The following CSMD1 variants were observed in gnomAD, a reference collection of about 807,000 sequenced individuals.
The protein encoded by CSMD1 is CUB and sushi domain-containing protein 1.
CSMD1 carries 213 observed loss-of-function variants against 417.5 expected under a neutral mutation model. The observed-to-expected ratio is 0.51, with a 90% CI of 0.46 to 0.57. The LOEUF (loss-of-function observed/expected upper bound fraction) is 0.57, where lower values mean the gene tolerates loss of function less well. CSMD1 is among the 20% of genes least tolerant of loss of function. The pLI is 0.00. For synonymous variants in CSMD1, 2,862 were observed against 1,736.8 expected, an observed-to-expected ratio of 1.65 and a Z score of -16.11; for missense variants, 6,923 against 4,529.7, an observed-to-expected ratio of 1.53 and a Z score of -15.17.
intron 5 of CSMD1, among the ~76,000 whole-genome samples, chr8:3,971,832 T>C (rs896078187): frequency 3.3e-5 from 5 of 152,204 alleles, no homozygotes; most frequent in Non-Finnish European, 7.3e-5. Flanking sequence ...GCATGAATTA[T>C]TTGAAATATT....
At chr8:3,929,521 A>G (rs1327372839) in intron 5 of CSMD1, among the ~76,000 whole-genome samples, 1 of 150,542 alleles carries the variant, frequency 6.6e-6, no homozygotes, top group East Asian at 1.9e-4. Context: ...TTCAAAGTCA[A>G]CGTCCATTGG....
intron 4 of CSMD1, among the ~76,000 whole-genome samples, chr8:4,008,184 G>C (rs1003175930): frequency 1.3e-5 from 2 of 152,092 alleles, no homozygotes; most frequent in African/African-American, 4.8e-5. Flanking sequence ...ATATGAGCAA[G>C]CTACAGGGCA....
At chr8:3,430,005 T>G (rs1814116637) in intron 12 of CSMD1, among the ~76,000 whole-genome samples, 1 of 152,190 alleles carries the variant, frequency 6.6e-6, no homozygotes, top group Non-Finnish European at 1.5e-5. Flanking sequence ...TGGGTATACA[T>G]GTACAAATTT....
At chr8:4,449,165 A>T (rs62481018) in intron 2 of CSMD1, among the ~76,000 whole-genome samples, 1 of 152,230 alleles carries the variant, frequency 6.6e-6, no homozygotes. Context: ...AGCAATATAG[A>T]TCACTCAAAA....
chr8:4,384,996 G>A (rs900997774), intron 3 of CSMD1, among the ~76,000 whole-genome samples: 19 of 152,020 alleles, frequency 1.2e-4, no homozygotes, highest in Non-Finnish European at 2.6e-4. Flanking sequence ...TCTCGATCTC[G>A]GCTCAATGCA....
intron 3 of CSMD1, among the ~76,000 whole-genome samples, chr8:4,049,286 G>A (rs948609617): frequency 1.3e-5 from 2 of 151,986 alleles, no homozygotes; most frequent in South Asian, 2.1e-4. Flanking sequence ...TGTGGAGATT[G>A]TCTGGCTGTA....
chr8:4,872,143 A>G (rs377642025), intron 1 of CSMD1, among the ~76,000 whole-genome samples: 7 of 152,252 alleles, frequency 4.6e-5, no homozygotes, highest in South Asian at 4.1e-4. Context: ...AATGTATTGA[A>G]TATGTAGCAA....
chr8:3,698,345 A>T (rs970954310), intron 7 of CSMD1, among the ~76,000 whole-genome samples: 8 of 152,224 alleles, frequency 5.3e-5, no homozygotes, highest in African/African-American at 1.9e-4. Flanking sequence ...GTCTTTAACA[A>T]TTGCAAAACT....
chr8:3,872,932 G>A (rs1472716599), intron 5 of CSMD1, among the ~76,000 whole-genome samples: 4 of 151,276 alleles, frequency 2.6e-5, no homozygotes, highest in East Asian at 3.9e-4. Context: ...CATACATGTG[G>A]CCAACAATCA....
At chr8:4,438,563 C>T (rs560193537) in intron 2 of CSMD1, among the ~76,000 whole-genome samples, 5 of 152,262 alleles carry the variant, frequency 3.3e-5, no homozygotes, top group African/African-American at 4.8e-5. Context: ...TCTAAGCTGA[C>T]GGGAGTGTGG....
At chr8:3,626,856 G>A (rs917406183) in intron 7 of CSMD1, among the ~76,000 whole-genome samples, 2 of 148,862 alleles carry the variant, frequency 1.3e-5, no homozygotes, top group South Asian at 2.1e-4. Context: ...ATAAATAAGT[G>A]TATTTACATA....
intron 2 of CSMD1, among the ~76,000 whole-genome samples, chr8:4,507,413 G>A (rs1451430509): frequency 6.6e-6 from 1 of 152,108 alleles, no homozygotes; most frequent in African/African-American, 2.4e-5. Context: ...TATTTGTTCT[G>A]CTCACATTAT....
At chr8:3,554,428 C>G (rs1178064510) in intron 10 of CSMD1, among the ~76,000 whole-genome samples, 8 of 152,156 alleles carry the variant, frequency 5.3e-5, no homozygotes. Context: ...TGGGGAGAGC[C>G]TGGAGCTGGG....
chr8:3,968,806 G>C (rs182616002), intron 5 of CSMD1, among the ~76,000 whole-genome samples: 2 of 152,244 alleles, frequency 1.3e-5, no homozygotes, highest in Non-Finnish European at 2.9e-5. Context: ...AATTAACAGA[G>C]AAAACACTGA....
intron 7 of CSMD1, among the ~76,000 whole-genome samples, chr8:3,640,373 A>C (rs2117310466): frequency 6.6e-6 from 1 of 152,348 alleles, no homozygotes; most frequent in South Asian, 2.1e-4. Flanking sequence ...GGCATTGTCA[A>C]ATATTCAATT....
chr8:2,962,285 G>A (rs1293622614), intron 61 of CSMD1, among the ~76,000 whole-genome samples, 181 bp downstream of exon 61: 1 of 152,204 alleles, frequency 6.6e-6, no homozygotes, highest in Non-Finnish European at 1.5e-5. Flanking sequence ...ATTTAAAAGA[G>A]GTGGCACATC....
intron 1 of CSMD1, among the ~76,000 whole-genome samples, chr8:4,780,761 T>C (rs551955838): frequency 6.6e-6 from 1 of 152,248 alleles, no homozygotes; most frequent in South Asian, 2.1e-4. Context: ...CATTGTATCA[T>C]TTTTATGCCT....
At chr8:3,533,871 A>T (rs541755809) in intron 10 of CSMD1, among the ~76,000 whole-genome samples, 1 of 152,320 alleles carries the variant, frequency 6.6e-6, no homozygotes, top group East Asian at 1.9e-4. Context: ...GGTATCTACA[A>T]TCGAAATCTT....
chr8:4,113,342 G>A (rs553103674), intron 3 of CSMD1, among the ~76,000 whole-genome samples: 41 of 142,264 alleles, frequency 2.9e-4, no homozygotes, highest in African/African-American at 1.0e-3. Context: ...GCACCCAACA[G>A]CCAAGCTGTG....
Sources: gnomAD v4.1 joint callset for allele counts (sites outside exome capture counted in the v4.1 genomes callset) on GRCh38, gnomAD v4.1.1 for gene constraint, MANE v1.5 for transcripts, NCBI Gene and HGNC (gene_info 2026-07-23, HGNC 2026-07-21) for gene names.